UGT2B15: variants seen among roughly 807,000 people sequenced by gnomAD.
UGT2B15 encodes UDP glucuronosyltransferase family 2 member B15.
Under a neutral mutation model 45.9 loss-of-function variants are expected in UGT2B15, and 36 were observed. The observed-to-expected ratio is 0.78, with a 90% CI of 0.60 to 1.04. The LOEUF is 1.04. Ranked by LOEUF, UGT2B15 falls within the 50% of genes least tolerant of loss-of-function variation. UGT2B15 has a pLI of 0.00. For missense variants in UGT2B15, 617 were observed against 622.4 expected (o/e 0.99, Z 0.09); for synonymous variants, 219 against 216.4 (o/e 1.01, Z -0.11).
chr4:68,651,068 T>C (rs1227049904), intron 5 of UGT2B15, among the ~76,000 whole-genome samples: 4 of 148,500 alleles, frequency 2.7e-5, no homozygotes, highest in Non-Finnish European at 5.9e-5. Context: ...GTCAGAGGGA[T>C]AGATTGCAAA....
chr4:68,660,188 T>C (rs1293184558), intron 3 of UGT2B15, among the ~76,000 whole-genome samples: 1 of 151,604 alleles, frequency 6.6e-6, no homozygotes, highest in East Asian at 1.9e-4. Context: ...ACTGGTATGG[T>C]GGGCTTTCCT....
intron 2 of UGT2B15, among the ~76,000 whole-genome samples, chr4:68,666,752 A>T (rs6820397): frequency 0.45 from 57,869 of 127,224 alleles, 13,495 homozygotes; most frequent in East Asian, 0.54. Context: ...ATATATATAT[A>T]TTTTTTTTTT....
intron 3 of UGT2B15, among the ~76,000 whole-genome samples, chr4:68,662,440 C>T (rs2109831337): frequency 6.7e-6 from 1 of 149,406 alleles, no homozygotes; most frequent in East Asian, 2.0e-4. Context: ...ACCTCCAGAG[C>T]AGTGGCTAGT....
chr4:68,658,402 T>C (rs1372382728), intron 3 of UGT2B15, among the ~76,000 whole-genome samples: 1 of 152,134 alleles, frequency 6.6e-6, no homozygotes, highest in South Asian at 2.1e-4. Context: ...TGCTAAAGTA[T>C]GATAATATTA....
chr4:68,654,253 T>C lies in UGT2B15; in HGVS notation c.1097A>G (p.His366Arg), dbSNP rs187815441. ...AGTTATAAAAGCTTTGGTTTTGGGA[T>C]GACCTAAAAGTGGATGCATTTTAAC... The part of the protein sequence containing the change: ...KWLPQNDLLG[H>R]PKTKAFITHG... Residue 366 changes from histidine to arginine, a missense_variant, in exon 5 of 6, where the codon CAT becomes CGT. Transcript: ENST00000338206. 4.3e-5 allele frequency: 70 copies of C among 1,612,990 alleles called. No individual in the cohort carries two copies. In the East Asian group the frequency reaches 1.5e-3, roughly 35 times the overall value.
In UGT2B15 at chr4:68,654,051, G is replaced by A; in HGVS notation, c.1299C>T (p.Val433=). The A allele has an allele frequency of 6.2e-7, 1 of 1,613,256 alleles. No individual in the cohort carries two copies. The highest frequency in any genetic ancestry group is 8.5e-7 in the Non-Finnish European group (1 of 1,179,414). Residue 433 remains valine, a synonymous_variant, in exon 5 of 6, where the codon GTC becomes GTT. Transcript: ENST00000338206. ...GTAATACTCACACAGGGTCATTAAT[G>A]ACTGACTTCAATGCATTGAGCAAAT... ...SRDLLNALKS[V]INDPVYKENV... is the part of the protein sequence containing the mutation.
chr4:68,655,100 A>T lies in UGT2B15; in HGVS notation c.1088T>A (p.Leu363His). Reference protein sequence around the residue: ...RLYKWLPQNDLLGHPKTKAFI... With the variant: ...RLYKWLPQNDHLGHPKTKAFI... Reference sequence around the variant, plus strand: ...TTTGTTCTCCAGAATCTTACCAAGAAGGTCATTCTGGGGTAACCACTTGTA... The same window carrying T: ...TTTGTTCTCCAGAATCTTACCAAGATGGTCATTCTGGGGTAACCACTTGTA... Residue 363 changes from leucine to histidine, a missense_variant, in exon 4 of 6, where the codon CTT (leucine) becomes CAT (histidine). Coordinates refer to ENST00000338206, the MANE Select transcript of UGT2B15 (RefSeq NM_001076.4). The T allele has an allele frequency of 2.5e-6, 4 of 1,613,070 alleles. No individual in the cohort carries two copies. The highest frequency in any genetic ancestry group is 2.5e-6 in the Non-Finnish European group (3 of 1,179,502).
chr4:68,667,707 C>T (rs149334260), intron 2 of UGT2B15, among the ~76,000 whole-genome samples: 1 of 152,086 alleles, frequency 6.6e-6, no homozygotes, highest in Non-Finnish European at 1.5e-5. Flanking sequence ...TACCTTTATT[C>T]TCTGAAAATC....
chr4:68,667,782 A>C (rs1345212650), intron 2 of UGT2B15, among the ~76,000 whole-genome samples: 2 of 152,180 alleles, frequency 1.3e-5, no homozygotes, highest in Non-Finnish European at 2.9e-5. Flanking sequence ...GAATCATACT[A>C]TCTTTTGGGT....
chr4:68,652,273 T>C (rs1380356287), intron 5 of UGT2B15, among the ~76,000 whole-genome samples: 7 of 152,076 alleles, frequency 4.6e-5, no homozygotes, highest in African/African-American at 7.2e-5. Flanking sequence ...TTAAGGAATT[T>C]TGGAGCTGCG....
intron 2 of UGT2B15, among the ~76,000 whole-genome samples, chr4:68,664,282 G>A (rs895488829): frequency 4.9e-5 from 7 of 141,568 alleles, no homozygotes; most frequent in Admixed American, 2.2e-4. Flanking sequence ...AAAAAAAAGA[G>A]AGAGAGAAAG....
chr4:68,666,644 A>T (rs2109835090), intron 2 of UGT2B15, among the ~76,000 whole-genome samples: 1 of 151,776 alleles, frequency 6.6e-6, no homozygotes, highest in South Asian at 2.1e-4. Context: ...GGGATTTTTT[A>T]AAAGGAAATC....
rs143480699 is a variant in UGT2B15, at chr4:68,647,145, G to T, written c.1552C>A (p.Arg518=). 1 of 1,613,352 alleles carries T rather than the reference G, an allele frequency of 6.2e-7. No individual in the cohort carries two copies. The highest frequency in any genetic ancestry group is 8.5e-7 in the Non-Finnish European group (1 of 1,179,692). ...IITKFCLFCF[R]KLAKKGKKKK... is the part of the protein sequence containing the mutation. ...TTCTTTCCTTTTTTGGCAAGCTTTC[G>T]GAAACAAAACAGGCAAAATTTTGTG... The change falls in exon 6 of 6, where the codon CGA becomes AGA. Residue 518 remains arginine (R), a synonymous_variant. Coordinates refer to ENST00000338206, the MANE Select transcript of UGT2B15 (RefSeq NM_001076.4).
chr4:68,669,818 T>C, intron 1 of UGT2B15, 77 bp downstream of exon 1: 1 of 1,511,022 alleles, frequency 6.6e-7, no homozygotes, highest in African/African-American at 1.4e-5. Flanking sequence ...TCTTCTGACA[T>C]TATATTTATA....
chr4:68,669,486 GAAAC>G (rs1733236817), intron 1 of UGT2B15, among the ~76,000 whole-genome samples: 1 of 152,070 alleles, frequency 6.6e-6, no homozygotes, highest in African/African-American at 2.4e-5. Context: ...AACTCAAAGA[GAAAC>G]AAATTCCTCA....
At chr4:68,655,325 A>G (rs1732773233) in intron 3 of UGT2B15, 143 bp from the exon 4 acceptor site, 4 of 1,074,234 alleles carry the variant, frequency 3.7e-6, no homozygotes, top group Non-Finnish European at 5.3e-6. Flanking sequence ...AGTAATGAGA[A>G]CTACTAAAAG....
At chr4:68,647,573 C>T (rs568007137) in intron 5 of UGT2B15, among the ~76,000 whole-genome samples, 190 bp from the exon 6 acceptor site, 4 of 151,946 alleles carry the variant, frequency 2.6e-5, no homozygotes, top group East Asian at 1.9e-4. Flanking sequence ...AGTTTTATCA[C>T]TGACAAATAC....
Position 68,665,439 on chromosome 4 carries a change from A to G in UGT2B15, c.874-2300T>C, listed in dbSNP as rs530595038. On this transcript the variant is annotated intron_variant, in intron 2 of 5. Transcript: ENST00000338206. ...GGTATGCACATTATGTAAGTTTTTAACCATTTCTTAATGTAAGATATTTGA... is the reference window on the plus strand; with the variant it reads ...GGTATGCACATTATGTAAGTTTTTAGCCATTTCTTAATGTAAGATATTTGA... Among the ~76,000 whole-genome samples the G allele has an allele frequency of 2.6e-5, 4 of 152,232 alleles. No homozygotes were observed. The South Asian group carries it at 8.3e-4, about 32-fold the overall frequency.
rs142337947 is a variant in UGT2B15 at position 68,650,500 on chromosome 4, G to A, written c.1314-3117C>T. ...ATCTCATTCCTTTTTATGGTGCATAGTATTCCATAGTGTACATGTATCATA... is the reference window on the plus strand; with the variant it reads ...ATCTCATTCCTTTTTATGGTGCATAATATTCCATAGTGTACATGTATCATA... On this transcript the variant is annotated intron_variant, in intron 5 of 5. Transcript: ENST00000338206. Among the ~76,000 whole-genome samples, 195 of 152,154 alleles carry A rather than the reference G, an allele frequency of 1.3e-3. 3 individuals are homozygous for A. In the East Asian group the frequency reaches 0.031, roughly 25 times the overall value.
Sources: gnomAD v4.1 joint callset for allele counts (sites outside exome capture counted in the v4.1 genomes callset) on GRCh38, gnomAD v4.1.1 for gene constraint, MANE v1.5 for transcripts, NCBI Gene and HGNC (gene_info 2026-07-23, HGNC 2026-07-21) for gene names.